GAL3ST4: variants seen among roughly 807,000 people sequenced by gnomAD.
GAL3ST4 encodes the protein beta-galactose-3-O-sulfotransferase 4.
GAL3ST4 carries 30 observed loss-of-function variants against 31.6 expected under a neutral mutation model. That is an observed-to-expected ratio of 0.95 (90% CI 0.71 to 1.29). GAL3ST4 has a LOEUF of 1.29. Ranked by LOEUF, GAL3ST4 falls within the 50% of genes most tolerant of loss-of-function variation. The probability of loss-of-function intolerance (pLI) is 0.00; values close to 1 mark genes in which losing one functional copy is unlikely to be tolerated. For synonymous variants in GAL3ST4, 248 were observed against 256.9 expected (o/e 0.97, Z 0.33); for missense variants, 629 against 625.2 (o/e 1.01, Z -0.06).
intron 3 of GAL3ST4, among the ~76,000 whole-genome samples, chr7:100,161,652 CAAA>C (rs1163638873): frequency 4.9e-5 from 3 of 61,522 alleles, no homozygotes; most frequent in Admixed American, 1.6e-4. Context: ...GACTCTGTCT[CAAA>C]AAAAAAAAAA....
chr7:100,167,612 A>G (rs111531787), intron 1 of GAL3ST4: 1 of 159,868 alleles, frequency 6.3e-6, no homozygotes, highest in African/African-American at 2.4e-5. Flanking sequence ...AGGTCAGACC[A>G]TGGTCGGGAA....
At position 100,160,396 on chromosome 7, in the gene GAL3ST4, A is replaced by G. The variant is rs1462572627; in HGVS notation, c.993T>C (p.Asn331=). Residue 331 remains asparagine (N), a synonymous_variant, in exon 4 of 4, where the codon AAT becomes AAC. Transcript: ENST00000360039. ...GGCCCTGCTTATGTCCAGCCTGGGC[A>G]TTGTGCATGAAGCCCACCACGTCAT... The part of the protein sequence containing the change: ...GLDDVVGFMH[N]AQAGHKQGLS... The G allele has an allele frequency of 6.2e-7, 1 of 1,614,024 alleles. No homozygotes were observed. Among genetic ancestry groups the G allele is most frequent in the Non-Finnish European group, 8.5e-7 (1 of 1,180,034 alleles).
chr7:100,163,475 CTTTTTTTT>C (rs397889093), intron 3 of GAL3ST4, among the ~76,000 whole-genome samples: 2 of 133,508 alleles, frequency 1.5e-5, no homozygotes, highest in African/African-American at 2.8e-5. Context: ...TGTGAACTCT[CTTTTTTTT>C]TTTTTTTTTT....
chr7:100,167,252 C>T lies in GAL3ST4; in HGVS notation c.-157G>A. 1 of 1,474,816 alleles carries T rather than the reference C, an allele frequency of 6.8e-7. No individual in the cohort carries two copies. The highest frequency in any genetic ancestry group is 2.4e-5 in the Admixed American group (1 of 41,376). The allele number at this position is 1,474,816 out of a possible 1,614,324, so 91.4% of individuals were successfully genotyped here. A position where few individuals can be genotyped will look rare whatever the true frequency, so the allele number is the denominator to read the frequency against. On this transcript the variant is annotated 5_prime_UTR_variant, in exon 2 of 4. Coordinates refer to ENST00000360039, the MANE Select transcript of GAL3ST4 (RefSeq NM_024637.5). ...TCACAGTCTTGGTTGAGTCTGCCCC[C>T]TGAGTTAGCAGATTTTTGCCTCTGT...
At position 100,160,884 on chromosome 7, in the gene GAL3ST4, A is replaced by C; in HGVS notation, c.505T>G (p.Phe169Val). The change falls in exon 4 of 4, where the codon TTC (phenylalanine) becomes GTC (valine). Residue 169 changes from phenylalanine (F) to valine (V), a missense_variant. Physicochemically the swap from Phe to Val is conservative, Grantham distance 50 (BLOSUM62 -1). Transcript: ENST00000360039. ...RDPAALARSAFSYYKSTSSAF... is the reference protein window; with the variant it reads ...RDPAALARSAVSYYKSTSSAF... ...GATGAGGTGGATTTATAGTAGGAGAAGGCAGAGCGAGCCAGAGCCGCTGGG... is the reference window on the plus strand; with the variant it reads ...GATGAGGTGGATTTATAGTAGGAGACGGCAGAGCGAGCCAGAGCCGCTGGG... The C allele has an allele frequency of 1.2e-6, 2 of 1,614,206 alleles. No homozygotes were observed. Among genetic ancestry groups the C allele is most frequent in the Non-Finnish European group, 1.7e-6 (2 of 1,180,034 alleles).
At chr7:100,163,044 G>T (rs1799026828) in intron 3 of GAL3ST4, among the ~76,000 whole-genome samples, 1 of 152,176 alleles carries the variant, frequency 6.6e-6, no homozygotes, top group Admixed American at 6.5e-5. Context: ...AACCTGTTGA[G>T]TGCCTGGGAG....
chr7:100,167,393 T>G (rs769590762), intron 1 of GAL3ST4, 110 bp from the exon 2 acceptor site: 1 of 526,698 alleles, frequency 1.9e-6, no homozygotes, highest in Non-Finnish European at 3.3e-6. Flanking sequence ...TGGCTGGGGA[T>G]GTTGTCTATA....
intron 3 of GAL3ST4, among the ~76,000 whole-genome samples, chr7:100,165,612 T>C (rs1048439397): frequency 1.5e-4 from 23 of 150,890 alleles, no homozygotes; most frequent in African/African-American, 4.1e-4. Flanking sequence ...GGGAGGATCA[T>C]TTGAGGCCAG....
chr7:100,164,007 C>G (rs1799039019), intron 3 of GAL3ST4, among the ~76,000 whole-genome samples: 1 of 152,166 alleles, frequency 6.6e-6, no homozygotes, highest in South Asian at 2.1e-4. Flanking sequence ...GTAACACTTA[C>G]CTGGAAGAAT....
chr7:100,167,856 C>G (rs555364398), intron 1 of GAL3ST4: 1 of 152,434 alleles, frequency 6.6e-6, no homozygotes, highest in Admixed American at 6.5e-5. Context: ...GGGGCAGACC[C>G]CCATGTATGA....
intron 3 of GAL3ST4, among the ~76,000 whole-genome samples, chr7:100,163,247 G>A (rs1026432439): frequency 1.3e-5 from 2 of 152,184 alleles, no homozygotes; most frequent in Admixed American, 6.5e-5. Flanking sequence ...CCTGAGGGCT[G>A]GGACACGTGA....
At chr7:100,163,448 A>G (rs531259458) in intron 3 of GAL3ST4, among the ~76,000 whole-genome samples, 1 of 149,848 alleles carries the variant, frequency 6.7e-6, no homozygotes, top group South Asian at 2.1e-4. Flanking sequence ...CAAGTATGGC[A>G]CACCTGAATA....
chr7:100,164,718 G>A (rs760254513), intron 3 of GAL3ST4, among the ~76,000 whole-genome samples: 4 of 152,022 alleles, frequency 2.6e-5, no homozygotes, highest in Non-Finnish European at 5.9e-5. Context: ...CCCCTCTCCA[G>A]AAAGCATCAC....
In GAL3ST4 at chr7:100,160,803, A is replaced by C. The variant is rs560612217; in HGVS notation, c.586T>G (p.Tyr196Asp). 6.2e-7 allele frequency: 1 copy of C among 1,614,232 alleles called. No individual in the cohort carries two copies. The highest frequency in any genetic ancestry group is 1.7e-5 in the Admixed American group (1 of 60,026). The change falls in exon 4 of 4, where the codon TAC becomes GAC. Residue 196 changes from tyrosine (Y) to aspartate (D), a missense_variant. Transcript: ENST00000360039. ...AAFLANPRGF[Y>D]RPGARGDHYA... ...TGGTCCCCACGGGCCCCAGGCCTGTAGAAGCCTCGAGGATTGGCCAGGAAG... is the reference window on the plus strand; with the variant it reads ...TGGTCCCCACGGGCCCCAGGCCTGTCGAAGCCTCGAGGATTGGCCAGGAAG...
intron 3 of GAL3ST4, among the ~76,000 whole-genome samples, chr7:100,165,122 C>T (rs1252618351): frequency 6.6e-6 from 1 of 152,094 alleles, no homozygotes; most frequent in South Asian, 2.1e-4. Context: ...GATCCACCCG[C>T]CTTGGCCTCC....
intron 3 of GAL3ST4, among the ~76,000 whole-genome samples, chr7:100,164,976 G>T (rs2116973310): frequency 6.6e-6 from 1 of 150,634 alleles, no homozygotes; most frequent in African/African-American, 2.4e-5. Flanking sequence ...CCAGGTTCAT[G>T]CCATTTTCCT....
At chr7:100,166,411 G>A in intron 3 of GAL3ST4, 91 bp downstream of exon 3, 2 of 1,352,232 alleles carry the variant, frequency 1.5e-6, no homozygotes, top group Non-Finnish European at 2.0e-6. Context: ...GATGATGCCT[G>A]GGGAGCCCCC....
Position 100,160,791 on chromosome 7 carries a change from C to T in GAL3ST4, c.598G>A (p.Ala200Thr), listed in dbSNP as rs1337797661. 8 of 1,614,206 alleles carry T rather than the reference C, an allele frequency of 5.0e-6. No individual in the cohort carries two copies. Among genetic ancestry groups the T allele is most frequent in the Non-Finnish European group, 5.9e-6 (7 of 1,180,032 alleles). ...TTGCGAGCGTAGTGGTCCCCACGGG[C>T]CCCAGGCCTGTAGAAGCCTCGAGGA... ...ANPRGFYRPG[A>T]RGDHYARNLL... is the part of the protein sequence containing the mutation. Residue 200 changes from alanine (A) to threonine (T), a missense_variant, in exon 4 of 4, where the codon GCC becomes ACC. Physicochemically the swap from Ala to Thr is moderately conservative, Grantham distance 58. Transcript: ENST00000360039.
intron 3 of GAL3ST4, among the ~76,000 whole-genome samples, chr7:100,162,877 G>A (rs1442505586): frequency 6.6e-6 from 1 of 151,386 alleles, no homozygotes; most frequent in East Asian, 1.9e-4. Flanking sequence ...GGAAAAGGAA[G>A]GGAAAAAAAA....
Sources: allele counts gnomAD v4.1 joint callset (sites outside exome capture counted in the v4.1 genomes callset), GRCh38; gene constraint gnomAD v4.1.1; transcripts MANE v1.5; gene names NCBI Gene and HGNC (gene_info 2026-07-23, HGNC 2026-07-21).